VIT: variants seen among roughly 807,000 people sequenced by gnomAD.
VIT encodes vitrin.
In VIT, 99 loss-of-function variants were observed where a neutral mutation model predicts 78.0. The ratio of observed to expected loss-of-function variants is 1.27; its 90% confidence interval spans 1.08 to 1.50. The LOEUF is 1.50. VIT is among the 40% of genes most tolerant of loss of function. The pLI is 0.00. For missense variants in VIT, 1,126 were observed against 875.3 expected, an observed-to-expected ratio of 1.29 and a Z score of -3.61; for synonymous variants, 374 against 334.3, an observed-to-expected ratio of 1.12 and a Z score of -1.29.
intron 9 of VIT, among the ~76,000 whole-genome samples, chr2:36,779,077 C>T (rs757721514): frequency 6.6e-6 from 1 of 152,210 alleles, no homozygotes; most frequent in Non-Finnish European, 1.5e-5. Flanking sequence ...AGCAGGCATG[C>T]TTCTGGGCCC....
intron 7 of VIT, among the ~76,000 whole-genome samples, chr2:36,772,826 A>G (rs150396848): frequency 1.7e-4 from 26 of 152,348 alleles, no homozygotes; most frequent in African/African-American, 6.0e-4. Context: ...AGACAAATTG[A>G]TATTTTTTTC....
chr2:36,771,686 A>C (rs1418547606), intron 7 of VIT, among the ~76,000 whole-genome samples: 1 of 152,144 alleles, frequency 6.6e-6, no homozygotes, highest in African/African-American at 2.4e-5. Flanking sequence ...ATGACCCAGA[A>C]TTCACACTTC....
At chr2:36,770,562 G>A (rs776086901) in intron 7 of VIT, among the ~76,000 whole-genome samples, 2 of 152,138 alleles carry the variant, frequency 1.3e-5, no homozygotes, top group Non-Finnish European at 2.9e-5. Flanking sequence ...TAAGGGAGCC[G>A]AAAGCCAGAG....
At chr2:36,771,207 C>A (rs1044247297) in intron 7 of VIT, among the ~76,000 whole-genome samples, 4 of 113,524 alleles carry the variant, frequency 3.5e-5, no homozygotes, top group South Asian at 2.8e-4. Flanking sequence ...AGAAGAACTA[C>A]AAATGGCCAA....
intron 5 of VIT, among the ~76,000 whole-genome samples, chr2:36,757,261 G>C (rs559047434): frequency 3.9e-5 from 6 of 152,292 alleles, no homozygotes; most frequent in African/African-American, 1.4e-4. Flanking sequence ...ATTTTCATAT[G>C]CCCCTGAGCT....
intron 3 of VIT, among the ~76,000 whole-genome samples, chr2:36,739,513 C>T (rs940133713): frequency 6.6e-5 from 10 of 152,128 alleles, no homozygotes; most frequent in Admixed American, 1.3e-4. Context: ...GACCTTTTGC[C>T]CAGGAACCCT....
intron 12 of VIT, among the ~76,000 whole-genome samples, chr2:36,797,972 G>C (rs533469934): frequency 1.3e-5 from 2 of 152,120 alleles, no homozygotes; most frequent in Admixed American, 1.3e-4. Context: ...GGGTGGGCAC[G>C]ATTGGGGCTT....
chr2:36,704,145 C>T (rs1665262191), intron 1 of VIT, among the ~76,000 whole-genome samples: 2 of 151,850 alleles, frequency 1.3e-5, no homozygotes, highest in Non-Finnish European at 2.9e-5. Flanking sequence ...AGGCTGGTCT[C>T]GAAGTCCTGA....
At chr2:36,726,027 C>G (rs1258826112) in intron 2 of VIT, among the ~76,000 whole-genome samples, 1 of 149,820 alleles carries the variant, frequency 6.7e-6, no homozygotes, top group Non-Finnish European at 1.5e-5. Context: ...CGAGACTGCA[C>G]TACTACAATC....
chr2:36,699,626 G>GTAGGTAGATAGA (rs372689790), intron 1 of VIT, among the ~76,000 whole-genome samples: 15,187 of 141,836 alleles, frequency 0.11, 859 homozygotes, highest in Non-Finnish European at 0.13. Context: ...AGATATATAG[G>GTAGGTAGATAGA]TAGATAGATA....
At chr2:36,793,981 G>A (rs932233683) in intron 12 of VIT, among the ~76,000 whole-genome samples, 1 of 152,152 alleles carries the variant, frequency 6.6e-6, no homozygotes, top group African/African-American at 2.4e-5. Context: ...GAGAGGAATG[G>A]TAACCTATAT....
At chr2:36,776,622 G>A (rs948580759) in intron 9 of VIT, among the ~76,000 whole-genome samples, 10 of 151,914 alleles carry the variant, frequency 6.6e-5, no homozygotes, top group African/African-American at 1.9e-4. Context: ...CCCACATAGT[G>A]AGACCCCGTC....
At chr2:36,697,741 A>T (rs1664768421) in intron 1 of VIT, among the ~76,000 whole-genome samples, 1 of 152,240 alleles carries the variant, frequency 6.6e-6, no homozygotes, top group Non-Finnish European at 1.5e-5. Flanking sequence ...GTTTTCTCCA[A>T]ACAACCCACA....
intron 2 of VIT, among the ~76,000 whole-genome samples, chr2:36,723,506 C>T (rs1172042146): frequency 6.6e-6 from 1 of 152,152 alleles, no homozygotes; most frequent in Non-Finnish European, 1.5e-5. Context: ...TAGCATGATA[C>T]AGGAAAACAC....
chr2:36,753,908 C>T lies in VIT; in HGVS notation c.276-1013C>T, dbSNP rs143490803. On this transcript the variant is annotated intron_variant, in intron 4 of 15. Coordinates refer to ENST00000379242, the MANE Select transcript of VIT (RefSeq NM_053276.4). ...AGGTGAGTTCAACCTGGGTTTAAATCCCTCTTGCAATTTACTAGTTAGAAA... is the reference window on the plus strand; with the variant it reads ...AGGTGAGTTCAACCTGGGTTTAAATTCCTCTTGCAATTTACTAGTTAGAAA... Among the ~76,000 whole-genome samples, 657 of 152,278 alleles carry T rather than the reference C, an allele frequency of 4.3e-3. 4 individuals are homozygous for T. The highest frequency in any genetic ancestry group is 0.015 in the African/African-American group (625 of 41,534).
At chr2:36,738,116 A>G (rs1370594135) in intron 3 of VIT, among the ~76,000 whole-genome samples, 1 of 152,214 alleles carries the variant, frequency 6.6e-6, no homozygotes, top group Admixed American at 6.5e-5. Context: ...ACACACACAC[A>G]TGCATACACA....
In VIT at chr2:36,743,181, A is replaced by C. The variant is rs1260415037; in HGVS notation, c.200A>C (p.Gln67Pro). The C allele has an allele frequency of 6.2e-7, 1 of 1,614,112 alleles. No individual in the cohort carries two copies. The highest frequency in any genetic ancestry group is 8.5e-7 in the Non-Finnish European group (1 of 1,179,970). ...EFIVKCPAGC[Q>P]DPKYHVYGTD... ...ATTGTGAAATGTCCAGCAGGATGCC[A>C]AGACCCCAAATACCATGTTTATGGC... is the stretch of plus-strand genomic sequence containing the variant. Residue 67 changes from glutamine to proline, a missense_variant, in exon 4 of 16, where the codon CAA becomes CCA. Gln to Pro is a moderately conservative substitution (Grantham distance 76). Coordinates refer to ENST00000379242, the MANE Select transcript of VIT (RefSeq NM_053276.4).
intron 2 of VIT, among the ~76,000 whole-genome samples, chr2:36,726,219 A>G (rs1453532399): frequency 6.6e-6 from 1 of 152,228 alleles, no homozygotes; most frequent in East Asian, 1.9e-4. Flanking sequence ...ATTAAATCAA[A>G]GTTTGGTTAA....
chr2:36,775,146 C>T, intron 9 of VIT, 79 bp downstream of exon 9: 2 of 1,532,214 alleles, frequency 1.3e-6, no homozygotes, highest in Non-Finnish European at 1.8e-6. Context: ...GACCTCCCCA[C>T]ACACTTGTTC....
Sources: gnomAD v4.1 joint callset for allele counts (sites outside exome capture counted in the v4.1 genomes callset) on GRCh38, gnomAD v4.1.1 for gene constraint, MANE v1.5 for transcripts, NCBI Gene and HGNC (gene_info 2026-07-23, HGNC 2026-07-21) for gene names.